Variants in SLC66A2 observed in about 807,000 individuals in gnomAD.
SLC66A2 encodes the protein PQ loop repeat containing 1.
SLC66A2 carries 23 observed loss-of-function variants against 25.5 expected under a neutral mutation model. The observed-to-expected ratio is 0.90, with a 90% CI of 0.65 to 1.28. The LOEUF (loss-of-function observed/expected upper bound fraction) is 1.28, where lower values mean the gene tolerates loss of function less well. SLC66A2 is among the 50% of genes most tolerant of loss of function. SLC66A2 has a pLI of 0.00. For synonymous variants in SLC66A2, 193 were observed against 166.5 expected (o/e 1.16, Z -1.23); for missense variants, 396 against 373.1 (o/e 1.06, Z -0.51).
intron 4 of SLC66A2, 146 bp from the exon 5 acceptor site, chr18:79,919,546 A>G (rs1199395463): frequency 2.5e-6 from 1 of 405,402 alleles, no homozygotes; most frequent in African/African-American, 3.0e-5. Flanking sequence ...CAGTGGGGAG[A>G]GACAGGAACC....
chr18:79,934,145 ACC>A, intron 3 of SLC66A2, 123 bp from the exon 4 acceptor site: 3 of 776,676 alleles, frequency 3.9e-6, no homozygotes, highest in Non-Finnish European at 4.2e-6. Context: ...AAAAAAACAA[ACC>A]AGAATAGAAA....
intron 4 of SLC66A2, among the ~76,000 whole-genome samples, chr18:79,928,862 G>C (rs1478911508): frequency 6.6e-6 from 1 of 152,104 alleles, no homozygotes; most frequent in Non-Finnish European, 1.5e-5. Flanking sequence ...CCCTGCCTCA[G>C]CTTGCTCACT....
At chr18:79,907,501 G>A (rs1340034200) in intron 5 of SLC66A2, among the ~76,000 whole-genome samples, 1 of 151,674 alleles carries the variant, frequency 6.6e-6, no homozygotes, top group South Asian at 2.1e-4. Context: ...ACAGGCGCCC[G>A]CCACCACACT....
intron 5 of SLC66A2, among the ~76,000 whole-genome samples, chr18:79,909,316 T>C (rs948599812): frequency 6.6e-6 from 1 of 152,194 alleles, no homozygotes; most frequent in African/African-American, 2.4e-5. Context: ...CACAAAGCTG[T>C]TGGCATGTAG....
At chr18:79,935,835 C>G (rs1485409620) in intron 3 of SLC66A2, among the ~76,000 whole-genome samples, 1 of 152,156 alleles carries the variant, frequency 6.6e-6, no homozygotes, top group East Asian at 1.9e-4. Flanking sequence ...AGAGAATGAG[C>G]TTCAAGGGCT....
intron 4 of SLC66A2, among the ~76,000 whole-genome samples, chr18:79,928,458 CCAGAACAG>C (rs1568320076): frequency 6.6e-6 from 1 of 152,188 alleles, no homozygotes; most frequent in Non-Finnish European, 1.5e-5. Context: ...GTAGGCTCTT[CCAGAACAG>C]CAGTGTGAGG....
chr18:79,905,859 G>C (rs1982051518), intron 5 of SLC66A2, among the ~76,000 whole-genome samples: 1 of 152,198 alleles, frequency 6.6e-6, no homozygotes. Context: ...TAATCAGTTG[G>C]TAACTCTGTA....
At chr18:79,910,574 T>C (rs1469201885) in intron 5 of SLC66A2, among the ~76,000 whole-genome samples, 3 of 152,216 alleles carry the variant, frequency 2.0e-5, no homozygotes, top group Non-Finnish European at 4.4e-5. Flanking sequence ...CACACATGAA[T>C]GAACTAAGCT....
chr18:79,910,259 A>G (rs1362928446), intron 5 of SLC66A2, among the ~76,000 whole-genome samples: 3 of 87,162 alleles, frequency 3.4e-5, no homozygotes. Flanking sequence ...CTTCCCCACC[A>G]TCTCACACCA....
chr18:79,917,012 G>A lies in SLC66A2; in HGVS notation c.608+2172C>T, dbSNP rs749324026. 2.5e-4 allele frequency among the ~76,000 whole-genome samples: 38 copies of A among 152,372 alleles called. No homozygotes were observed. The highest frequency in any genetic ancestry group is 5.1e-4 in the Non-Finnish European group (35 of 68,034). ...ACTGCCTGCTCGGTGCTGGGGAGAC[G>A]CCTGCACATGGAAGTGTGTGTGCTG... On this transcript the variant is annotated intron_variant, in intron 5 of 5. Transcript: ENST00000397778. This position sits in a 1 kb window ranked among gnomAD's most constrained non-coding sequence, Gnocchi z 6.0.
chr18:79,909,689 TC>T (rs1982685778), intron 5 of SLC66A2, among the ~76,000 whole-genome samples: 1 of 57,034 alleles, frequency 1.8e-5, no homozygotes, highest in Non-Finnish European at 3.3e-5. Flanking sequence ...CACAACAGAG[TC>T]CCCAACCTTC....
intron 5 of SLC66A2, among the ~76,000 whole-genome samples, chr18:79,907,860 G>A (rs1982363402): frequency 6.6e-6 from 1 of 152,034 alleles, no homozygotes; most frequent in African/African-American, 2.4e-5. Context: ...CCCACAATAA[G>A]GGATTCTCCA....
At chr18:79,925,875 C>A (rs1985892913) in intron 4 of SLC66A2, among the ~76,000 whole-genome samples, 1 of 152,222 alleles carries the variant, frequency 6.6e-6, no homozygotes, top group Non-Finnish European at 1.5e-5. Flanking sequence ...GAGGCTGAGG[C>A]CCTCTGAGCT....
chr18:79,937,829 G>A lies in SLC66A2; in HGVS notation c.338-3807C>T, dbSNP rs995398695. Among the ~76,000 whole-genome samples, 3 of 152,254 alleles carry A rather than the reference G, an allele frequency of 2.0e-5. No homozygotes were observed. Among genetic ancestry groups the A allele is most frequent in the Non-Finnish European group, 1.5e-5 (1 of 68,012 alleles). On this transcript the variant is annotated intron_variant, in intron 3 of 5. Transcript: ENST00000397778. The surrounding 1 kb of genome is among the most constrained non-coding windows in gnomAD (Gnocchi z 5.4). ...ACATAAAGACACGAGGAAACACCAG[G>A]AGTGCCATCTCCACTGCAGGGCTTC...
chr18:79,949,709 T>C (rs62101202), intron 2 of SLC66A2: 17,013 of 152,434 alleles, frequency 0.11, 1,169 homozygotes, highest in Middle Eastern at 0.16. Context: ...AGGTACGTGA[T>C]TACTCAGTGA....
intron 5 of SLC66A2, among the ~76,000 whole-genome samples, chr18:79,908,283 G>A (rs990058153): frequency 4.0e-5 from 6 of 151,672 alleles, no homozygotes; most frequent in African/African-American, 1.2e-4. Context: ...CCTTTCATTC[G>A]AGAAGGTCTT....
intron 2 of SLC66A2, among the ~76,000 whole-genome samples, chr18:79,946,960 T>C (rs939910917): frequency 7.9e-5 from 12 of 152,106 alleles, no homozygotes; most frequent in Non-Finnish European, 1.2e-4. Context: ...GAGACTCTTG[T>C]CTAAAAGAAA....
rs1344852339 is a variant in SLC66A2, at chr18:79,940,249, A to C, written c.337+3080T>G. ...CTGTCGGGGGGTGGAGAGCAGGAGGAGGGAGAGGACCGGGAAAAATAACCA... is the reference window on the plus strand; with the variant it reads ...CTGTCGGGGGGTGGAGAGCAGGAGGCGGGAGAGGACCGGGAAAAATAACCA... On this transcript the variant is annotated intron_variant, in intron 3 of 5. Coordinates refer to ENST00000397778, the MANE Select transcript of SLC66A2 (RefSeq NM_025078.5). The surrounding 1 kb of genome is among the most constrained non-coding windows in gnomAD (Gnocchi z 4.1). 6.6e-6 allele frequency among the ~76,000 whole-genome samples: 1 copy of C among 152,108 alleles called. No homozygotes were observed. Among genetic ancestry groups the C allele is most frequent in the East Asian group, 1.9e-4 (1 of 5,194 alleles).
chr18:79,951,324 G>A (rs2051118722), intron 1 of SLC66A2, among the ~76,000 whole-genome samples: 1 of 151,818 alleles, frequency 6.6e-6, no homozygotes, highest in East Asian at 1.9e-4. Flanking sequence ...ATGGGGTGGG[G>A]GAGGGGGCGC....
Sources: allele counts gnomAD v4.1 joint callset (sites outside exome capture counted in the v4.1 genomes callset), GRCh38; gene constraint gnomAD v4.1.1; non-coding constraint Gnocchi (gnomAD v3.1); transcripts MANE v1.5; gene names NCBI Gene and HGNC (gene_info 2026-07-23, HGNC 2026-07-21).